Variants in ETV4 observed in about 807,000 individuals in gnomAD.
The protein encoded by ETV4 is ETS variant transcription factor 4, also known as ETS translocation variant 4.
In ETV4, 42 loss-of-function variants were observed where a neutral mutation model predicts 65.9. The observed-to-expected ratio is 0.64, with a 90% CI of 0.50 to 0.82. The LOEUF (loss-of-function observed/expected upper bound fraction) is 0.82, where lower values mean the gene tolerates loss of function less well. Ranked by LOEUF, ETV4 falls within the 40% of genes least tolerant of loss-of-function variation. The probability of loss-of-function intolerance (pLI) is 0.00; values close to 1 mark genes in which losing one functional copy is unlikely to be tolerated. For missense variants in ETV4, 583 were observed against 630.3 expected, an observed-to-expected ratio of 0.92 and a Z score of 0.80; for synonymous variants, 238 against 260.0, an observed-to-expected ratio of 0.92 and a Z score of 0.81.
At chr17:43,531,140 G>T (rs1358182749) in intron 8 of ETV4, among the ~76,000 whole-genome samples, 1 of 152,192 alleles carries the variant, frequency 6.6e-6, no homozygotes, top group Non-Finnish European at 1.5e-5. Flanking sequence ...AGCCTGGGGG[G>T]TTGTGGTTCA....
At chr17:43,531,131 G>C (rs907024979) in intron 8 of ETV4, among the ~76,000 whole-genome samples, 5 of 152,218 alleles carry the variant, frequency 3.3e-5, no homozygotes, top group African/African-American at 4.8e-5. Context: ...TAGTTGGACA[G>C]CCTGGGGGGT....
intron 6 of ETV4, 24 bp from the exon 7 acceptor site, chr17:43,533,372 G>A: frequency 6.2e-7 from 1 of 1,600,644 alleles, no homozygotes; most frequent in Non-Finnish European, 8.6e-7. Flanking sequence ...GGAGACAGGG[G>A]TGAGGGGGCA....
intron 6 of ETV4, among the ~76,000 whole-genome samples, chr17:43,533,630 G>A (rs919212337): frequency 3.9e-5 from 6 of 152,098 alleles, no homozygotes; most frequent in African/African-American, 1.4e-4. Context: ...TGGGCCTCTT[G>A]GTGGAAACAG....
chr17:43,542,522 T>G (rs1482318867), intron 4 of ETV4, among the ~76,000 whole-genome samples: 1 of 152,104 alleles, frequency 6.6e-6, no homozygotes, highest in African/African-American at 2.4e-5. Flanking sequence ...TGGGTCTCCC[T>G]GTAGCAGCCT....
chr17:43,529,398 G>A (rs1323697639), intron 11 of ETV4, 106 bp downstream of exon 11: 1 of 1,453,888 alleles, frequency 6.9e-7, no homozygotes, highest in South Asian at 1.3e-5. Context: ...TTCAGGTTAG[G>A]TAAAGCAAGA....
chr17:43,539,397 G>T (rs1247573128), intron 4 of ETV4, among the ~76,000 whole-genome samples: 1 of 152,106 alleles, frequency 6.6e-6, no homozygotes, highest in East Asian at 1.9e-4. Flanking sequence ...AACCAAAGTG[G>T]TTCCTCCTGG....
At chr17:43,531,330 T>C (rs1970925358) in intron 8 of ETV4, among the ~76,000 whole-genome samples, 1 of 152,178 alleles carries the variant, frequency 6.6e-6, no homozygotes, top group South Asian at 2.1e-4. Context: ...CTTCGGCCCT[T>C]GAGGCTTTGA....
intron 8 of ETV4, among the ~76,000 whole-genome samples, chr17:43,531,391 C>A (rs943830657): frequency 3.3e-5 from 5 of 152,152 alleles, no homozygotes; most frequent in Non-Finnish European, 5.9e-5. Flanking sequence ...CAGTCAACAG[C>A]CAGGTGGAAC....
At chr17:43,544,718 C>T (rs1184883696) in intron 4 of ETV4, 1 of 393,204 alleles carries the variant, frequency 2.5e-6, no homozygotes, top group Non-Finnish European at 4.7e-6. Context: ...GCAAATACCC[C>T]ACACAATGGT....
Position 43,533,215 on chromosome 17 carries a change from G to A in ETV4, c.517C>T (p.Pro173Ser). 2 of 1,613,482 alleles carry A rather than the reference G, an allele frequency of 1.2e-6. No individual in the cohort carries two copies. Among genetic ancestry groups the A allele is most frequent in the South Asian group, 1.1e-5 (1 of 91,042 alleles). The stretch of plus-strand genomic sequence containing the variant: ...TGTTCCCCGAGGTACCCATGGCCAG[G>A]GTGGGGCTGGGAGGTGCCAGAGGAT... ...LRSSGTSQPH[P>S]GHGYLGEHSS... Residue 173 changes from proline (P) to serine (S), a missense_variant, in exon 7 of 13, where the codon CCT becomes TCT. Pro to Ser is a moderately conservative substitution (Grantham distance 74). Transcript: ENST00000319349.
intron 4 of ETV4, 61 bp downstream of exon 4, chr17:43,544,914 G>A (rs1257090443): frequency 1.3e-6 from 2 of 1,486,098 alleles, no homozygotes; most frequent in East Asian, 2.3e-5. Flanking sequence ...GGAATACCAG[G>A]GGCTACGGAG....
Position 43,533,989 on chromosome 17 carries a change from TG to T in ETV4, c.257-5del. 7 of 1,524,118 alleles carry T rather than the reference TG, an allele frequency of 4.6e-6. No homozygotes were observed. Among genetic ancestry groups the T allele is most frequent in the South Asian group, 1.3e-5 (1 of 74,578 alleles). 94.4% of individuals were successfully genotyped at this position (1,524,118 alleles called of 1,614,324 possible). A position where few individuals can be genotyped will look rare whatever the true frequency, so the allele number is the denominator to read the frequency against. On this transcript the variant is annotated splice_region_variant and splice_polypyrimidine_tract_variant and intron_variant, in intron 5 of 12. Coordinates refer to ENST00000319349, the MANE Select transcript of ETV4 (RefSeq NM_001079675.5). ...GTGGTGGGGCTGTGGAAAGCTACTGTGGGGGTGGAGGGGACAGAGCAAGGCC... is the reference window on the plus strand; with the variant it reads ...GTGGTGGGGCTGTGGAAAGCTACTGTGGGGTGGAGGGGACAGAGCAAGGCC...
At chr17:43,531,806 A>T (rs1396357378) in intron 8 of ETV4, among the ~76,000 whole-genome samples, 2 of 152,096 alleles carry the variant, frequency 1.3e-5, no homozygotes, top group Non-Finnish European at 2.9e-5. Context: ...CTTCATTCAA[A>T]TCCCTTTGTA....
At chr17:43,528,779 G>C (rs1970722237) in intron 12 of ETV4, 36 bp from the exon 13 acceptor site, 1 of 1,579,790 alleles carries the variant, frequency 6.3e-7, no homozygotes, top group Non-Finnish European at 8.7e-7. Context: ...AGCCTGGCTA[G>C]CCGCCCAGCC....
At position 43,529,220 on chromosome 17, in the gene ETV4, C is replaced by T; in HGVS notation, c.1145G>A (p.Gly382Asp). Residue 382 changes from glycine to aspartate, a missense_variant, in exon 12 of 13, where the codon GGC (glycine) becomes GAC (aspartate). Transcript: ENST00000319349. ...CATGGCTGGCCGGTTCTTCTGGATGCCCCAGAGCCTGGCGACCTGGGAACA... is the reference window on the plus strand; with the variant it reads ...CATGGCTGGCCGGTTCTTCTGGATGTCCCAGAGCCTGGCGACCTGGGAACA... ...IEPEEVARLW[G>D]IQKNRPAMNY... The T allele has an allele frequency of 6.2e-7, 1 of 1,613,970 alleles. No homozygotes were observed. The highest frequency in any genetic ancestry group is 8.5e-7 in the Non-Finnish European group (1 of 1,180,010).
At chr17:43,530,898 T>A (rs974753308) in intron 8 of ETV4, among the ~76,000 whole-genome samples, 1 of 151,252 alleles carries the variant, frequency 6.6e-6, no homozygotes, top group Non-Finnish European at 1.5e-5. Flanking sequence ...GGCGGGAGGG[T>A]GGGCTCATTC....
intron 6 of ETV4, among the ~76,000 whole-genome samples, 193 bp from the exon 7 acceptor site, chr17:43,533,541 G>A (rs1248919046): frequency 6.6e-6 from 1 of 152,056 alleles, no homozygotes; most frequent in Non-Finnish European, 1.5e-5. Context: ...GTCTCCCTCT[G>A]TTGCCCAGGC....
intron 9 of ETV4, 73 bp from the exon 10 acceptor site, chr17:43,530,025 C>G (rs1480734676): frequency 1.2e-6 from 2 of 1,610,538 alleles, no homozygotes; most frequent in East Asian, 2.2e-5. Flanking sequence ...CAGAGGGACT[C>G]CTGGCCAGGG....
chr17:43,543,188 C>A lies in ETV4; in HGVS notation c.202+1787G>T, dbSNP rs148139827. On this transcript the variant is annotated intron_variant, in intron 4 of 12. Transcript: ENST00000319349. The stretch of plus-strand genomic sequence containing the variant: ...CCAAGGAGATCCCAGCGCCCACCCC[C>A]CTCACCTCCGCCTTGCAATCCCCAC... 2.4e-3 allele frequency among the ~76,000 whole-genome samples: 358 copies of A among 151,890 alleles called. 2 individuals carry two copies. Among genetic ancestry groups the A allele is most frequent in the African/African-American group, 8.4e-3 (347 of 41,364 alleles).
Sources: allele counts gnomAD v4.1 joint callset (sites outside exome capture counted in the v4.1 genomes callset), GRCh38; gene constraint gnomAD v4.1.1; transcripts MANE v1.5; gene names NCBI Gene and HGNC (gene_info 2026-07-23, HGNC 2026-07-21).